ZNF385D: variants seen among roughly 807,000 people sequenced by gnomAD.
The protein encoded by ZNF385D is zinc finger protein 659.
ZNF385D carries 15 observed loss-of-function variants against 35.8 expected under a neutral mutation model. That is an observed-to-expected ratio of 0.42 (90% CI 0.28 to 0.64). ZNF385D has a LOEUF of 0.64. Among genes scored for constraint, ZNF385D ranks in the 30% least tolerant of loss-of-function variants. The probability of loss-of-function intolerance (pLI) is 0.23; values close to 1 mark genes in which losing one functional copy is unlikely to be tolerated. For synonymous variants in ZNF385D, 212 were observed against 186.8 expected, an observed-to-expected ratio of 1.13 and a Z score of -1.10; for missense variants, 474 against 494.6, an observed-to-expected ratio of 0.96 and a Z score of 0.39.
chr3:21,827,396 A>G (rs573308633), intron 3 of ZNF385D, among the ~76,000 whole-genome samples: 1 of 152,284 alleles, frequency 6.6e-6, no homozygotes, highest in South Asian at 2.1e-4. Context: ...GATTATTTTA[A>G]GCCTTTTACA....
At chr3:21,932,480 C>T (rs981167288) in intron 3 of ZNF385D, among the ~76,000 whole-genome samples, 2 of 151,738 alleles carry the variant, frequency 1.3e-5, no homozygotes, top group South Asian at 2.1e-4. Flanking sequence ...ACTGTTATCC[C>T]TCTACAGAGC....
chr3:21,429,960 G>T (rs1447116295), intron 5 of ZNF385D, among the ~76,000 whole-genome samples: 2 of 152,000 alleles, frequency 1.3e-5, no homozygotes, highest in Non-Finnish European at 2.9e-5. Context: ...ATGATATTTG[G>T]TATAATAGCA....
chr3:22,043,071 T>A (rs988698560), intron 3 of ZNF385D, among the ~76,000 whole-genome samples: 1 of 150,270 alleles, frequency 6.7e-6, no homozygotes, highest in Admixed American at 6.6e-5. Flanking sequence ...TGCCACACGA[T>A]CATTCCTTGA....
At chr3:21,747,391 A>C (rs2069828550) in intron 1 of ZNF385D, among the ~76,000 whole-genome samples, 1 of 152,220 alleles carries the variant, frequency 6.6e-6, no homozygotes, top group Non-Finnish European at 1.5e-5. Flanking sequence ...AGCTTACCAC[A>C]GTCTCTACCT....
At chr3:21,826,822 A>T (rs1444561956) in intron 3 of ZNF385D, among the ~76,000 whole-genome samples, 1 of 2,970 alleles carries the variant, frequency 3.4e-4, no homozygotes, top group South Asian at 4.4e-3. Context: ...TCAGAAAATT[A>T]AAAAAAAAAA....
chr3:21,721,409 A>G (rs970922860), intron 1 of ZNF385D, among the ~76,000 whole-genome samples: 5 of 152,092 alleles, frequency 3.3e-5, no homozygotes, highest in African/African-American at 1.2e-4. Context: ...ATGGTTATAA[A>G]AAGAAATAGT....
intron 3 of ZNF385D, among the ~76,000 whole-genome samples, chr3:21,832,006 T>A (rs1220052288): frequency 6.6e-6 from 1 of 152,216 alleles, no homozygotes; most frequent in Non-Finnish European, 1.5e-5. Context: ...TTAATTAGCT[T>A]GCATACCACT....
At chr3:21,840,590 G>A (rs1436257934) in intron 3 of ZNF385D, among the ~76,000 whole-genome samples, 2 of 151,892 alleles carry the variant, frequency 1.3e-5, no homozygotes, top group Non-Finnish European at 2.9e-5. Context: ...ATCCAACGTT[G>A]GCATATGAAT....
Position 21,566,444 on chromosome 3 carries a change from G to T in ZNF385D, c.166-1760C>A, listed in dbSNP as rs184959740. ...AGTTGGAGACCAGCCTGGCCAGCAT[G>T]GTGAAACCTTGTCTTTACTAACAAA... On this transcript the variant is annotated intron_variant, in intron 2 of 7. Coordinates refer to ENST00000281523, the MANE Select transcript of ZNF385D (RefSeq NM_024697.3). Among the ~76,000 whole-genome samples the T allele has an allele frequency of 4.2e-3, 643 of 152,200 alleles. 2 individuals carry two copies. The highest frequency in any genetic ancestry group is 7.2e-3 in the Non-Finnish European group (491 of 68,004).
intron 3 of ZNF385D, among the ~76,000 whole-genome samples, chr3:21,863,210 A>G (rs1697154387): frequency 6.6e-6 from 1 of 152,146 alleles, no homozygotes; most frequent in Admixed American, 6.5e-5. Context: ...AAAAGAGCTA[A>G]AACAATATAC....
intron 3 of ZNF385D, among the ~76,000 whole-genome samples, chr3:22,067,890 C>T (rs1441694323): frequency 1.3e-5 from 2 of 151,920 alleles, no homozygotes; most frequent in Non-Finnish European, 2.9e-5. Context: ...GGCTTGGTGG[C>T]ACACCTGTAG....
At chr3:22,162,922 G>C (rs1365411152) in intron 3 of ZNF385D, among the ~76,000 whole-genome samples, 1 of 152,156 alleles carries the variant, frequency 6.6e-6, no homozygotes, top group Non-Finnish European at 1.5e-5. Flanking sequence ...GATTTTGTGT[G>C]CAAGTAGTGG....
At chr3:21,935,587 A>G (rs1701219282) in intron 3 of ZNF385D, among the ~76,000 whole-genome samples, 1 of 152,166 alleles carries the variant, frequency 6.6e-6, no homozygotes, top group Non-Finnish European at 1.5e-5. Flanking sequence ...TCTGTTGACG[A>G]AAATCAATTT....
At chr3:21,711,059 T>TTTTTTTTTTA (rs60838052) in intron 1 of ZNF385D, among the ~76,000 whole-genome samples, 2 of 145,064 alleles carry the variant, frequency 1.4e-5, no homozygotes, top group South Asian at 2.2e-4. Context: ...TTTTTTTTTT[T>TTTTTTTTTTA]GAGATGGAGT....
At chr3:21,938,799 C>T (rs1701379775) in intron 3 of ZNF385D, among the ~76,000 whole-genome samples, 2 of 152,216 alleles carry the variant, frequency 1.3e-5, no homozygotes, top group African/African-American at 4.8e-5. Context: ...TATTATCCCA[C>T]AAAGTCAAGA....
At chr3:22,014,248 GAAGT>G (rs2125442784) in intron 3 of ZNF385D, among the ~76,000 whole-genome samples, 1 of 152,160 alleles carries the variant, frequency 6.6e-6, no homozygotes, top group South Asian at 2.1e-4. Context: ...AAATGCAGTA[GAAGT>G]AAGAAATTGC....
chr3:21,930,105 G>C (rs999675362), intron 3 of ZNF385D, among the ~76,000 whole-genome samples: 34 of 152,066 alleles, frequency 2.2e-4, no homozygotes, highest in Non-Finnish European at 1.6e-4. Flanking sequence ...GTGCAGATCA[G>C]TGGAATGGAA....
intron 3 of ZNF385D, among the ~76,000 whole-genome samples, chr3:21,845,737 T>G (rs1254139916): frequency 6.6e-6 from 1 of 152,018 alleles, no homozygotes; most frequent in Admixed American, 6.6e-5. Context: ...CTTAAAAGTC[T>G]TGATTACTAG....
intron 2 of ZNF385D, among the ~76,000 whole-genome samples, chr3:22,371,423 A>C (rs1307766785): frequency 7.4e-6 from 1 of 134,902 alleles, no homozygotes; most frequent in Non-Finnish European, 1.6e-5. Flanking sequence ...AGATGTTCTC[A>C]GTCAGTTCAA....
Sources: gnomAD v4.1 joint callset for allele counts (sites outside exome capture counted in the v4.1 genomes callset) on GRCh38, gnomAD v4.1.1 for gene constraint, MANE v1.5 for transcripts, NCBI Gene and HGNC (gene_info 2026-07-23, HGNC 2026-07-21) for gene names.